Variants in TWSG1 observed in about 807,000 individuals in gnomAD.
The protein encoded by TWSG1 is twisted gastrulation BMP signaling modulator 1.
A neutral mutation model predicts 23.0 loss-of-function variants in TWSG1; 15 were observed. The observed-to-expected ratio is 0.65, with a 90% confidence interval of 0.44 to 1.00. TWSG1 has a LOEUF of 1.00. Ranked by LOEUF, TWSG1 falls within the 50% of genes least tolerant of loss-of-function variation. TWSG1 has a pLI of 0.00. For synonymous variants in TWSG1, 86 were observed against 92.8 expected (o/e 0.93, Z 0.42); for missense variants, 242 against 278.7 (o/e 0.87, Z 0.94).
chr18:9,363,834 G>T (rs2040564390), intron 3 of TWSG1, among the ~76,000 whole-genome samples: 1 of 151,906 alleles, frequency 6.6e-6, no homozygotes, highest in South Asian at 2.1e-4. Context: ...CACCATGTTG[G>T]CCAGGCTGGT....
Position 9,342,292 on chromosome 18 carries a change from C to T in TWSG1, c.123+4940C>T, listed in dbSNP as rs182033466. 8.5e-4 allele frequency among the ~76,000 whole-genome samples: 129 copies of T among 152,238 alleles called. 1 individual carries two copies. The East Asian group carries it at 0.018, about 21-fold the overall frequency. On this transcript the variant is annotated intron_variant, in intron 2 of 4. Transcript: ENST00000262120. ...AAGCAGGGATAATAACCATACTGTG[C>T]GAGTATTGTGAGGATTAGGTGTAAA...
At chr18:9,375,184 AAAATC>A (rs2040624071) in intron 3 of TWSG1, among the ~76,000 whole-genome samples, 1 of 151,084 alleles carries the variant, frequency 6.6e-6, no homozygotes, top group Non-Finnish European at 1.5e-5. Flanking sequence ...AAAAAAAAAA[AAAATC>A]AAGCAATGTA....
Position 9,337,291 on chromosome 18 carries a change from C to A in TWSG1, c.62C>A (p.Pro21Gln). Residue 21 changes from proline (P) to glutamine (Q), a missense_variant, in exon 2 of 5, where the codon CCA (proline) becomes CAA (glutamine). Transcript: ENST00000262120. ...LAILMFLTWL[P>Q]ESLSCNKALC... ...ATCCTGATGTTCCTGACATGGCTTC[C>A]AGAATCACTGAGCTGTAACAAAGCA... The A allele has an allele frequency of 1.2e-6, 2 of 1,613,598 alleles. No individual in the cohort carries two copies. The highest frequency in any genetic ancestry group is 1.7e-6 in the Non-Finnish European group (2 of 1,179,990).
chr18:9,346,439 A>G (rs748593460), intron 2 of TWSG1, among the ~76,000 whole-genome samples: 13 of 152,176 alleles, frequency 8.5e-5, no homozygotes, highest in Non-Finnish European at 1.9e-4. Context: ...TTATCCATTC[A>G]CTTATTGAAG....
intron 2 of TWSG1, among the ~76,000 whole-genome samples, chr18:9,342,337 G>C (rs1489905183): frequency 6.6e-6 from 1 of 152,170 alleles, no homozygotes; most frequent in East Asian, 1.9e-4. Context: ...GCAATGCCTG[G>C]CACGTGAGTG....
intron 2 of TWSG1, among the ~76,000 whole-genome samples, chr18:9,354,003 C>CT (rs1445052464): frequency 6.6e-6 from 1 of 152,082 alleles, no homozygotes; most frequent in Non-Finnish European, 1.5e-5. Flanking sequence ...ATAATAATGC[C>CT]TTTGATTAAA....
In TWSG1 at chr18:9,401,790, A is replaced by T. The variant is rs909199567; in HGVS notation, c.*2263A>T. 2.6e-5 allele frequency: 4 copies of T among 152,172 alleles called. No homozygotes were observed. The highest frequency in any genetic ancestry group is 6.5e-5 in the Admixed American group (1 of 15,280). 9.4% of individuals were successfully genotyped at this position (152,172 alleles called of 1,614,324 possible). On this transcript the variant is annotated 3_prime_UTR_variant, in exon 5 of 5. Coordinates refer to ENST00000262120, the MANE Select transcript of TWSG1 (RefSeq NM_020648.6). ...GTTAAAAGTTAGATCCTCTATTACC[A>T]TTCTAAGCACATTCACTTCTATATT...
chr18:9,385,198 T>G (rs2040676475), intron 3 of TWSG1, among the ~76,000 whole-genome samples: 1 of 152,112 alleles, frequency 6.6e-6, no homozygotes, highest in South Asian at 2.1e-4. Flanking sequence ...TTCCAAGTAA[T>G]TAAGAAGTTT....
At chr18:9,375,787 G>T (rs1332596441) in intron 3 of TWSG1, among the ~76,000 whole-genome samples, 1 of 152,122 alleles carries the variant, frequency 6.6e-6, no homozygotes, top group Non-Finnish European at 1.5e-5. Flanking sequence ...TATGCGCAAG[G>T]TCTGTATGAG....
rs1304840406 is a variant in TWSG1, at chr18:9,401,609, T to C, written c.*2082T>C. The C allele has an allele frequency of 1.3e-5, 2 of 152,186 alleles. No homozygotes were observed. The highest frequency in any genetic ancestry group is 2.9e-5 in the Non-Finnish European group (2 of 68,034). 9.4% of individuals were successfully genotyped at this position (152,186 alleles called of 1,614,324 possible). A position where few individuals can be genotyped will look rare whatever the true frequency, so the allele number is the denominator to read the frequency against. The stretch of plus-strand genomic sequence containing the variant: ...AACTATCCCTAAATGTAAAGATCTT[T>C]TGCCTTCAAATTTGGCTTATTTTTT... On this transcript the variant is annotated 3_prime_UTR_variant, in exon 5 of 5. Transcript: ENST00000262120.
chr18:9,341,943 T>C lies in TWSG1; in HGVS notation c.123+4591T>C, dbSNP rs139063788. Among the ~76,000 whole-genome samples, 653 of 152,276 alleles carry C rather than the reference T, an allele frequency of 4.3e-3. 13 individuals are homozygous for C. Among genetic ancestry groups the C allele is most frequent in the East Asian group, 4.4e-3 (23 of 5,182 alleles). On this transcript the variant is annotated intron_variant, in intron 2 of 4. Transcript: ENST00000262120. Reference sequence around the variant, plus strand: ...TGTGAAGCTACCATGTTTAACATCATAGAAAGCAAAGAAATCAGTTTTTTC... The same window carrying C: ...TGTGAAGCTACCATGTTTAACATCACAGAAAGCAAAGAAATCAGTTTTTTC...
At chr18:9,367,140 C>A (rs2040583464) in intron 3 of TWSG1, among the ~76,000 whole-genome samples, 2 of 152,060 alleles carry the variant, frequency 1.3e-5, no homozygotes, top group Non-Finnish European at 2.9e-5. Flanking sequence ...ATGTGTTATC[C>A]AGACTGGTCT....
At chr18:9,349,492 T>A (rs971155422) in intron 2 of TWSG1, among the ~76,000 whole-genome samples, 1 of 152,186 alleles carries the variant, frequency 6.6e-6, no homozygotes, top group Admixed American at 6.5e-5. Context: ...AAAAATTGAT[T>A]TAGTTATTAA....
chr18:9,355,520 T>C (rs1424928123), intron 2 of TWSG1, among the ~76,000 whole-genome samples: 2 of 152,194 alleles, frequency 1.3e-5, no homozygotes, highest in African/African-American at 2.4e-5. Context: ...ATAATGTGAT[T>C]TTTAAGGGCA....
chr18:9,339,936 G>A (rs988711749), intron 2 of TWSG1, among the ~76,000 whole-genome samples: 5 of 152,296 alleles, frequency 3.3e-5, no homozygotes, highest in Admixed American at 2.6e-4. Context: ...CAGCTAGGAC[G>A]TATTTTCAGT....
chr18:9,356,513 C>T (rs1568033239), intron 2 of TWSG1, among the ~76,000 whole-genome samples: 1 of 152,112 alleles, frequency 6.6e-6, no homozygotes, highest in African/African-American at 2.4e-5. Context: ...AATTATTTGG[C>T]ATAATATACA....
intron 3 of TWSG1, among the ~76,000 whole-genome samples, chr18:9,379,715 G>A (rs1167462122): frequency 6.6e-6 from 1 of 151,940 alleles, no homozygotes; most frequent in Non-Finnish European, 1.5e-5. Context: ...AAACTATAAT[G>A]GACAATACAA....
intron 2 of TWSG1, among the ~76,000 whole-genome samples, chr18:9,342,565 T>TC (rs1346308306): frequency 6.6e-6 from 1 of 152,224 alleles, no homozygotes; most frequent in Non-Finnish European, 1.5e-5. Context: ...TAATTATCTT[T>TC]CTTTACCTTG....
At chr18:9,394,280 G>A (rs1349588096) in intron 3 of TWSG1, among the ~76,000 whole-genome samples, 3 of 152,228 alleles carry the variant, frequency 2.0e-5, no homozygotes, top group Admixed American at 6.5e-5. Flanking sequence ...AGGACATTAT[G>A]TTAAGTGAAA....
Sources: allele counts gnomAD v4.1 joint callset (sites outside exome capture counted in the v4.1 genomes callset), GRCh38; gene constraint gnomAD v4.1.1; transcripts MANE v1.5; gene names NCBI Gene and HGNC (gene_info 2026-07-23, HGNC 2026-07-21).